SPAG16: variants seen among roughly 807,000 people sequenced by gnomAD.
SPAG16 encodes the protein sperm associated antigen 16.
A neutral mutation model predicts 80.4 loss-of-function variants in SPAG16; 86 were observed. That is an observed-to-expected ratio of 1.07 (90% confidence interval 0.90 to 1.28). The LOEUF is 1.28. SPAG16 is among the 50% of genes most tolerant of loss of function. The pLI is 0.00. For missense variants in SPAG16, 870 were observed against 765.3 expected (o/e 1.14, Z -1.61); for synonymous variants, 294 against 265.9 (o/e 1.11, Z -1.03).
At chr2:213,768,599 C>T (rs1179131751) in intron 10 of SPAG16, among the ~76,000 whole-genome samples, 1 of 152,000 alleles carries the variant, frequency 6.6e-6, no homozygotes, top group Non-Finnish European at 1.5e-5. Flanking sequence ...GAAAATGATA[C>T]CATTTGTTCC....
intron 9 of SPAG16, among the ~76,000 whole-genome samples, chr2:213,468,902 G>A (rs1399298310): frequency 6.6e-6 from 1 of 152,020 alleles, no homozygotes; most frequent in Non-Finnish European, 1.5e-5. Flanking sequence ...GAAGCATTCA[G>A]CATAGGAGAA....
At chr2:213,751,156 A>G (rs59035635) in intron 10 of SPAG16, among the ~76,000 whole-genome samples, 2,255 of 152,224 alleles carry the variant, frequency 0.015, 25 homozygotes, top group South Asian at 0.051. Flanking sequence ...TTTACTAAAG[A>G]AAATGTACTT....
At chr2:213,483,865 AGT>A (rs1324380303) in intron 9 of SPAG16, among the ~76,000 whole-genome samples, 1 of 152,218 alleles carries the variant, frequency 6.6e-6, no homozygotes, top group African/African-American at 2.4e-5. Flanking sequence ...GTATTCTAAA[AGT>A]GTTTCTTAAA....
chr2:213,923,791 G>A (rs1288119796), intron 11 of SPAG16: 1 of 152,318 alleles, frequency 6.6e-6, no homozygotes, highest in Non-Finnish European at 1.5e-5. Context: ...TGTTTCCCAG[G>A]GCAACAGGAA....
At chr2:213,545,817 C>T (rs1413475371) in intron 10 of SPAG16, among the ~76,000 whole-genome samples, 1 of 151,996 alleles carries the variant, frequency 6.6e-6, no homozygotes, top group Non-Finnish European at 1.5e-5. Context: ...TGGCCCAAAA[C>T]AAACCATCAT....
At chr2:213,581,295 G>A (rs1414590342) in intron 10 of SPAG16, among the ~76,000 whole-genome samples, 1 of 151,954 alleles carries the variant, frequency 6.6e-6, no homozygotes, top group African/African-American at 2.4e-5. Flanking sequence ...ATGGTTCATT[G>A]TAGCCTCAAG....
At chr2:213,320,317 G>A (rs2063563085) in intron 5 of SPAG16, among the ~76,000 whole-genome samples, 1 of 151,952 alleles carries the variant, frequency 6.6e-6, no homozygotes, top group Non-Finnish European at 1.5e-5. Flanking sequence ...TTGTACATGT[G>A]TTATTTTGAT....
chr2:214,296,589 G>C (rs750514019), intron 15 of SPAG16, among the ~76,000 whole-genome samples: 1 of 152,106 alleles, frequency 6.6e-6, no homozygotes, highest in Non-Finnish European at 1.5e-5. Flanking sequence ...ACTCTGACTG[G>C]TGTGATGTGT....
rs775511251 is a variant in SPAG16, at chr2:213,838,487, A to G, written c.1071-23998A>G. Among the ~76,000 whole-genome samples the G allele has an allele frequency of 1.4e-3, 214 of 152,266 alleles. 1 individual carries two copies. The highest frequency in any genetic ancestry group is 2.5e-3 in the Non-Finnish European group (172 of 68,010). ...TGCGCTGGGCCATCTCTGACTTTAT[A>G]TGCAGGAAAGAATGTACTTCCCCAA... On this transcript the variant is annotated intron_variant, in intron 10 of 15. Coordinates refer to ENST00000331683, the MANE Select transcript of SPAG16 (RefSeq NM_024532.5).
At chr2:213,968,164 T>TTCTCA (rs10675840) in intron 12 of SPAG16, among the ~76,000 whole-genome samples, 48,523 of 149,892 alleles carry the variant, frequency 0.32, 8,521 homozygotes, top group South Asian at 0.46. Flanking sequence ...TCCTCTTCTC[T>TTCTCA]TCTCATCTCT....
intron 9 of SPAG16, among the ~76,000 whole-genome samples, chr2:213,414,027 A>G (rs1418649799): frequency 2.0e-5 from 3 of 152,210 alleles, no homozygotes; most frequent in Non-Finnish European, 4.4e-5. Flanking sequence ...ATATAAAATA[A>G]TAGCTAATTG....
At chr2:213,895,174 C>A (rs1203248423) in intron 11 of SPAG16, among the ~76,000 whole-genome samples, 2 of 151,564 alleles carry the variant, frequency 1.3e-5, no homozygotes, top group Non-Finnish European at 2.9e-5. Flanking sequence ...TTAACAATAG[C>A]TACAATAATA....
intron 10 of SPAG16, among the ~76,000 whole-genome samples, chr2:213,763,819 A>G (rs2068790600): frequency 6.6e-6 from 1 of 152,212 alleles, no homozygotes; most frequent in Admixed American, 6.5e-5. Flanking sequence ...GAACTATTTT[A>G]CCTGGCACAA....
At chr2:213,538,630 C>T (rs776208906) in intron 10 of SPAG16, among the ~76,000 whole-genome samples, 1 of 152,064 alleles carries the variant, frequency 6.6e-6, no homozygotes, top group Non-Finnish European at 1.5e-5. Flanking sequence ...AGGATTCTGC[C>T]ATCACCCTAA....
chr2:213,485,947 G>T (rs2125711655), intron 9 of SPAG16, among the ~76,000 whole-genome samples: 1 of 152,120 alleles, frequency 6.6e-6, no homozygotes, highest in South Asian at 2.1e-4. Context: ...TTGGGTCTTT[G>T]AAATTGAAAA....
chr2:213,744,097 A>G (rs1482501998), intron 10 of SPAG16, among the ~76,000 whole-genome samples: 1 of 151,950 alleles, frequency 6.6e-6, no homozygotes, highest in East Asian at 1.9e-4. Context: ...TACTTTTGCT[A>G]CCTCCCAGAG....
At chr2:213,672,033 T>A (rs1311841689) in intron 10 of SPAG16, among the ~76,000 whole-genome samples, 1 of 152,214 alleles carries the variant, frequency 6.6e-6, no homozygotes, top group Non-Finnish European at 1.5e-5. Context: ...CATAGAGTCT[T>A]TCCCCTTTAG....
At chr2:213,728,199 C>G (rs1017021278) in intron 10 of SPAG16, among the ~76,000 whole-genome samples, 6 of 152,110 alleles carry the variant, frequency 3.9e-5, no homozygotes, top group Admixed American at 2.6e-4. Context: ...CATTTTTTCT[C>G]TTATTTATAT....
chr2:214,082,065 T>G (rs1384570099), intron 13 of SPAG16, among the ~76,000 whole-genome samples: 1 of 152,160 alleles, frequency 6.6e-6, no homozygotes, highest in Non-Finnish European at 1.5e-5. Flanking sequence ...TTCTTATGTC[T>G]TTTTGGCACT....
Sources: allele counts gnomAD v4.1 joint callset (sites outside exome capture counted in the v4.1 genomes callset), GRCh38; gene constraint gnomAD v4.1.1; transcripts MANE v1.5; gene names NCBI Gene and HGNC (gene_info 2026-07-23, HGNC 2026-07-21).